The following ZNF407 variants were observed in gnomAD, a reference collection of about 807,000 sequenced individuals.
ZNF407 encodes zinc finger protein 407.
In ZNF407, 17 loss-of-function variants were observed where a neutral mutation model predicts 131.2. That is an observed-to-expected ratio of 0.13 (90% CI 0.09 to 0.19). The LOEUF (loss-of-function observed/expected upper bound fraction) is 0.19. Ranked by LOEUF, ZNF407 falls within the 10% of genes least tolerant of loss-of-function variation. The probability of loss-of-function intolerance (pLI) is 1.00; values close to 1 mark genes in which losing one functional copy is unlikely to be tolerated. For synonymous variants in ZNF407, 1,156 were observed against 1,062.0 expected (o/e 1.09, Z -1.72); for missense variants, 2,681 against 2,830.6 (o/e 0.95, Z 1.20).
chr18:74,796,616 C>CT (rs1317160092), intron 4 of ZNF407, among the ~76,000 whole-genome samples: 1 of 151,974 alleles, frequency 6.6e-6, no homozygotes, highest in Non-Finnish European at 1.5e-5. Context: ...CTTTTGGCAT[C>CT]TTTTTTGAAA....
chr18:74,742,654 A>G (rs915562410), intron 3 of ZNF407, among the ~76,000 whole-genome samples: 5 of 152,190 alleles, frequency 3.3e-5, no homozygotes, highest in African/African-American at 9.6e-5. Flanking sequence ...TATTTTTTAG[A>G]AATTTGTTTG....
At chr18:74,921,282 G>A (rs923263999) in intron 8 of ZNF407, among the ~76,000 whole-genome samples, 1 of 152,204 alleles carries the variant, frequency 6.6e-6, no homozygotes, top group African/African-American at 2.4e-5. Flanking sequence ...TCTGGAAGGT[G>A]TCAGCGATGT....
At chr18:74,822,406 CTT>C (rs2145104043) in intron 4 of ZNF407, among the ~76,000 whole-genome samples, 1 of 152,186 alleles carries the variant, frequency 6.6e-6, no homozygotes, top group Admixed American at 6.5e-5. Context: ...AGGTCTTACT[CTT>C]AAGTCTTTAA....
chr18:74,710,730 G>A (rs1455494391), intron 3 of ZNF407, among the ~76,000 whole-genome samples: 2 of 152,146 alleles, frequency 1.3e-5, no homozygotes, highest in Non-Finnish European at 2.9e-5. Context: ...GCAGTAAAGG[G>A]CTGCAAGTTT....
intron 3 of ZNF407, among the ~76,000 whole-genome samples, chr18:74,769,943 G>C (rs1045349149): frequency 6.6e-6 from 1 of 152,238 alleles, no homozygotes; most frequent in African/African-American, 2.4e-5. Flanking sequence ...GTTGAGGGGT[G>C]AGTGTGGTCT....
At chr18:74,764,469 T>C (rs1048647662) in intron 3 of ZNF407, among the ~76,000 whole-genome samples, 7 of 152,228 alleles carry the variant, frequency 4.6e-5, no homozygotes, top group Non-Finnish European at 8.8e-5. Context: ...TCTGTATCCT[T>C]GGGTTCTACT....
At chr18:74,797,047 T>A (rs1028630386) in intron 4 of ZNF407, among the ~76,000 whole-genome samples, 3 of 152,174 alleles carry the variant, frequency 2.0e-5, no homozygotes, top group African/African-American at 7.2e-5. Context: ...AAGAAGCAAT[T>A]GCAAACATAT....
intron 8 of ZNF407, among the ~76,000 whole-genome samples, chr18:75,024,163 A>G (rs1973144429): frequency 6.6e-6 from 1 of 152,212 alleles, no homozygotes; most frequent in African/African-American, 2.4e-5. Flanking sequence ...GATTTCAATT[A>G]TGTTTTCAAG....
At chr18:74,848,014 G>T (rs1005363868) in intron 4 of ZNF407, among the ~76,000 whole-genome samples, 1 of 151,950 alleles carries the variant, frequency 6.6e-6, no homozygotes, top group Non-Finnish European at 1.5e-5. Context: ...CTTAAATTTA[G>T]AAGTGATGCC....
At chr18:74,754,315 A>G (rs1418649236) in intron 3 of ZNF407, among the ~76,000 whole-genome samples, 1 of 151,940 alleles carries the variant, frequency 6.6e-6, no homozygotes, top group Non-Finnish European at 1.5e-5. Flanking sequence ...GATTCATTGA[A>G]TTTTTGAAGG....
At chr18:74,789,221 G>T (rs777719594) in intron 4 of ZNF407, among the ~76,000 whole-genome samples, 5 of 152,150 alleles carry the variant, frequency 3.3e-5, no homozygotes, top group Non-Finnish European at 5.9e-5. Flanking sequence ...GGTTAGGAAA[G>T]TCCCTCTCGA....
At chr18:74,844,736 A>G (rs1050153972) in intron 4 of ZNF407, among the ~76,000 whole-genome samples, 2 of 152,180 alleles carry the variant, frequency 1.3e-5, no homozygotes, top group African/African-American at 2.4e-5. Context: ...GGGAAACACC[A>G]TGAGAAAACA....
At chr18:74,892,400 A>G (rs1364562350) in intron 7 of ZNF407, among the ~76,000 whole-genome samples, 1 of 152,176 alleles carries the variant, frequency 6.6e-6, no homozygotes, top group African/African-American at 2.4e-5. Context: ...GGATTATGGT[A>G]AATATTAGGT....
chr18:74,713,996 C>CT (rs1257699771), intron 3 of ZNF407, among the ~76,000 whole-genome samples: 1 of 152,182 alleles, frequency 6.6e-6, no homozygotes, highest in Non-Finnish European at 1.5e-5. Flanking sequence ...ATTCAGAAAT[C>CT]TTAGTTATGC....
chr18:74,721,920 G>A (rs1035646607), intron 3 of ZNF407, among the ~76,000 whole-genome samples: 4 of 152,090 alleles, frequency 2.6e-5, no homozygotes, highest in South Asian at 2.1e-4. Flanking sequence ...CTTTGACCGT[G>A]TTATTCTTCT....
chr18:74,728,712 T>C (rs1968218845), intron 3 of ZNF407, among the ~76,000 whole-genome samples: 2 of 152,096 alleles, frequency 1.3e-5, no homozygotes, highest in South Asian at 2.1e-4. Flanking sequence ...CTCTCTTAGA[T>C]GGTGGCGGAA....
At chr18:74,620,579 A>G (rs1983471428) in intron 1 of ZNF407, among the ~76,000 whole-genome samples, 13 of 152,252 alleles carry the variant, frequency 8.5e-5, no homozygotes, top group Non-Finnish European at 2.9e-5. Flanking sequence ...GACATGAGTG[A>G]GAATTTTACT....
chr18:74,750,174 T>A (rs1377579551), intron 3 of ZNF407, among the ~76,000 whole-genome samples: 1 of 152,206 alleles, frequency 6.6e-6, no homozygotes, highest in African/African-American at 2.4e-5. Flanking sequence ...ACATTTTACT[T>A]CTTCTTTGAG....
At chr18:74,640,316 G>T (rs1206293203) in intron 2 of ZNF407, among the ~76,000 whole-genome samples, 1 of 151,974 alleles carries the variant, frequency 6.6e-6, no homozygotes, top group African/African-American at 2.4e-5. Context: ...AACAAATTTT[G>T]TATGCTTTTT....
Sources: gnomAD v4.1 joint callset for allele counts (sites outside exome capture counted in the v4.1 genomes callset) on GRCh38, gnomAD v4.1.1 for gene constraint, MANE v1.5 for transcripts, NCBI Gene and HGNC (gene_info 2026-07-23, HGNC 2026-07-21) for gene names.